BMP5: variants seen among roughly 807,000 people sequenced by gnomAD.
BMP5 encodes the protein bone morphogenetic protein 5.
A neutral mutation model predicts 46.6 loss-of-function variants in BMP5; 23 were observed. That is an observed-to-expected ratio of 0.49 (90% CI 0.35 to 0.70). The LOEUF (loss-of-function observed/expected upper bound fraction) is 0.70. BMP5 is among the 30% of genes least tolerant of loss of function. BMP5 has a pLI of 0.00. For missense variants in BMP5, 545 were observed against 565.6 expected (o/e 0.96, Z 0.37); for synonymous variants, 204 against 191.9 (o/e 1.06, Z -0.52).
At chr6:55,838,308 T>C (rs1257481011) in intron 1 of BMP5, among the ~76,000 whole-genome samples, 1 of 152,208 alleles carries the variant, frequency 6.6e-6, no homozygotes, top group African/African-American at 2.4e-5. Flanking sequence ...GCGTTTGTTA[T>C]TGCCTGTCTT....
intron 3 of BMP5, among the ~76,000 whole-genome samples, chr6:55,781,812 T>C (rs922179543): frequency 6.6e-6 from 1 of 151,986 alleles, no homozygotes; most frequent in Non-Finnish European, 1.5e-5. Flanking sequence ...GGTTTCACCA[T>C]GTTGACCAGG....
intron 1 of BMP5, among the ~76,000 whole-genome samples, chr6:55,837,376 T>TAGATAGATAGACAGAC (rs1236672631): frequency 3.3e-4 from 49 of 149,698 alleles, no homozygotes; most frequent in African/African-American, 7.6e-4. Context: ...GATAGATAGA[T>TAGATAGATAGACAGAC]AGACAGACAG....
At chr6:55,792,491 G>C (rs183893994) in intron 3 of BMP5, among the ~76,000 whole-genome samples, 1 of 141,940 alleles carries the variant, frequency 7.0e-6, no homozygotes, top group Non-Finnish European at 1.5e-5. Flanking sequence ...CCGAGATTGC[G>C]CCACTGCACT....
At chr6:55,846,047 T>A (rs1013276946) in intron 1 of BMP5, among the ~76,000 whole-genome samples, 9 of 151,932 alleles carry the variant, frequency 5.9e-5, no homozygotes, top group Non-Finnish European at 1.0e-4. Flanking sequence ...TTCTAATGAG[T>A]CCCTCATAGT....
chr6:55,803,114 C>T (rs1017443868), intron 2 of BMP5, among the ~76,000 whole-genome samples: 4 of 132,812 alleles, frequency 3.0e-5, no homozygotes, highest in South Asian at 2.3e-4. Context: ...GGCAAAACCC[C>T]GTCTCCACTA....
At chr6:55,847,941 A>T (rs1489785042) in intron 1 of BMP5, among the ~76,000 whole-genome samples, 6 of 151,990 alleles carry the variant, frequency 3.9e-5, no homozygotes, top group Non-Finnish European at 7.4e-5. Flanking sequence ...TTTTAACTCT[A>T]CTTCAATTAA....
At chr6:55,789,171 G>A (rs931970185) in intron 3 of BMP5, among the ~76,000 whole-genome samples, 5 of 151,768 alleles carry the variant, frequency 3.3e-5, no homozygotes, top group African/African-American at 1.2e-4. Context: ...AAATGAATCA[G>A]AAACATACGG....
At chr6:55,814,510 G>A (rs1485725495) in intron 2 of BMP5, among the ~76,000 whole-genome samples, 2 of 151,934 alleles carry the variant, frequency 1.3e-5, no homozygotes, top group African/African-American at 4.8e-5. Context: ...AAGAAATATA[G>A]AAATTTCCCT....
At chr6:55,760,266 T>C (rs1017545803) in intron 5 of BMP5, among the ~76,000 whole-genome samples, 191 bp downstream of exon 5, 4 of 152,014 alleles carry the variant, frequency 2.6e-5, no homozygotes, top group African/African-American at 9.7e-5. Context: ...TTGACTGTGA[T>C]ACCTACTAAT....
chr6:55,761,462 C>T (rs1364659525), intron 4 of BMP5, among the ~76,000 whole-genome samples: 1 of 151,932 alleles, frequency 6.6e-6, no homozygotes, highest in South Asian at 2.1e-4. Flanking sequence ...GGTCTTATTA[C>T]CCCTCTGACT....
intron 1 of BMP5, among the ~76,000 whole-genome samples, chr6:55,832,808 T>C (rs979547319): frequency 6.6e-6 from 1 of 152,054 alleles, no homozygotes; most frequent in Non-Finnish European, 1.5e-5. Context: ...TTGGGTTTTG[T>C]TCATTTAAAA....
At chr6:55,793,351 G>A (rs1226557713) in intron 3 of BMP5, among the ~76,000 whole-genome samples, 1 of 152,124 alleles carries the variant, frequency 6.6e-6, no homozygotes, top group East Asian at 1.9e-4. Context: ...TATGTTCACA[G>A]ATCCATTGAA....
At chr6:55,851,064 G>A (rs1777230730) in intron 1 of BMP5, among the ~76,000 whole-genome samples, 1 of 151,344 alleles carries the variant, frequency 6.6e-6, no homozygotes. Flanking sequence ...ATATTCCTTA[G>A]AGCAAAGAGC....
chr6:55,758,882 A>G, intron 6 of BMP5, 123 bp downstream of exon 6: 1 of 773,084 alleles, frequency 1.3e-6, no homozygotes, highest in Non-Finnish European at 2.2e-6. Context: ...TCTAAAAAGA[A>G]ACAAATGAGT....
At chr6:55,829,260 A>G (rs1479196397) in intron 1 of BMP5, among the ~76,000 whole-genome samples, 1 of 151,634 alleles carries the variant, frequency 6.6e-6, no homozygotes, top group Non-Finnish European at 1.5e-5. Flanking sequence ...ACTACCGTAC[A>G]CTCTTCCTTA....
chr6:55,838,873 T>G (rs930321179), intron 1 of BMP5, among the ~76,000 whole-genome samples: 31 of 152,232 alleles, frequency 2.0e-4, no homozygotes, highest in Admixed American at 9.8e-4. Flanking sequence ...AATTCTGTTT[T>G]GCTCAAATTC....
chr6:55,760,783 A>T (rs951037305), intron 4 of BMP5, among the ~76,000 whole-genome samples: 2 of 151,996 alleles, frequency 1.3e-5, no homozygotes, highest in Non-Finnish European at 2.9e-5. Flanking sequence ...GATTCTGTTA[A>T]GCCATCTACT....
intron 2 of BMP5, among the ~76,000 whole-genome samples, chr6:55,816,123 C>T (rs2127537191): frequency 6.6e-6 from 1 of 152,020 alleles, no homozygotes. Flanking sequence ...AAATAACCAA[C>T]TATAAACTCA....
At chr6:55,792,533 C>T (rs1411497384) in intron 3 of BMP5, among the ~76,000 whole-genome samples, 2 of 110,744 alleles carry the variant, frequency 1.8e-5, no homozygotes, top group Non-Finnish European at 3.5e-5. Flanking sequence ...AAGACTCCGT[C>T]TCAAAAAAAA....
Sources: gnomAD v4.1 joint callset for allele counts (sites outside exome capture counted in the v4.1 genomes callset) on GRCh38, gnomAD v4.1.1 for gene constraint, MANE v1.5 for transcripts, NCBI Gene and HGNC (gene_info 2026-07-23, HGNC 2026-07-21) for gene names.